The following AFAP1 variants were observed in gnomAD, a reference collection of about 807,000 sequenced individuals.
AFAP1 encodes the protein actin filament-associated protein 1.
In AFAP1, 75 loss-of-function variants were observed where a neutral mutation model predicts 93.9. The ratio of observed to expected loss-of-function variants is 0.80; its 90% CI spans 0.66 to 0.97. The LOEUF is 0.97. Ranked by LOEUF, AFAP1 falls within the 50% of genes least tolerant of loss-of-function variation. AFAP1 has a pLI of 0.00. For missense variants in AFAP1, 1,201 were observed against 1,050.8 expected (o/e 1.14, Z -1.98); for synonymous variants, 517 against 430.7 (o/e 1.20, Z -2.48).
At chr4:7,805,648 A>G (rs1434189713) in intron 9 of AFAP1, among the ~76,000 whole-genome samples, 5 of 152,228 alleles carry the variant, frequency 3.3e-5, no homozygotes, top group African/African-American at 1.2e-4. Flanking sequence ...CCTGACATCC[A>G]GAGGTGAAGC....
chr4:7,763,711 G>A lies in AFAP1; in HGVS notation c.*54C>T, dbSNP rs1039878396. 5.8e-6 allele frequency: 9 copies of A among 1,549,534 alleles called. No individual in the cohort carries two copies. Among genetic ancestry groups the A allele is most frequent in the Non-Finnish European group, 7.9e-6 (9 of 1,145,232 alleles). ...GAGCTTCCTGCCGTCACACAGATGAGGATACAGGCAAGGGGGTGTGCAGTC... is the reference window on the plus strand; with the variant it reads ...GAGCTTCCTGCCGTCACACAGATGAAGATACAGGCAAGGGGGTGTGCAGTC... On this transcript the variant is annotated 3_prime_UTR_variant, in exon 18 of 18. Transcript: ENST00000420658.
intron 3 of AFAP1, among the ~76,000 whole-genome samples, chr4:7,857,698 T>G (rs1715222811): frequency 6.6e-6 from 1 of 152,228 alleles, no homozygotes; most frequent in Non-Finnish European, 1.5e-5. Flanking sequence ...TCACTGAGTA[T>G]CTTTTATTCC....
intron 10 of AFAP1, among the ~76,000 whole-genome samples, chr4:7,797,457 A>T (rs192949277): frequency 7.2e-5 from 11 of 152,306 alleles, no homozygotes; most frequent in African/African-American, 2.6e-4. Flanking sequence ...CGCAGCATGA[A>T]ACATGCCGCC....
intron 12 of AFAP1, among the ~76,000 whole-genome samples, chr4:7,785,674 C>T (rs556532947): frequency 6.6e-6 from 1 of 152,206 alleles, no homozygotes; most frequent in Non-Finnish European, 1.5e-5. Context: ...CAGTGGCTCA[C>T]ATCTGTAATC....
chr4:7,786,169 A>G (rs777431951), intron 12 of AFAP1, 25 bp downstream of exon 12: 3 of 1,600,504 alleles, frequency 1.9e-6, no homozygotes, highest in Non-Finnish European at 2.6e-6. Flanking sequence ...AAAACCAACC[A>G]TTACTCCAAA....
At chr4:7,876,946 T>C (rs1717546360) in intron 1 of AFAP1, among the ~76,000 whole-genome samples, 1 of 152,212 alleles carries the variant, frequency 6.6e-6, no homozygotes, top group Non-Finnish European at 1.5e-5. Context: ...TTCCAAATAC[T>C]TAATACTCAT....
intron 16 of AFAP1, among the ~76,000 whole-genome samples, chr4:7,769,756 C>T (rs1032498640): frequency 1.3e-4 from 20 of 152,196 alleles, no homozygotes; most frequent in Non-Finnish European, 1.5e-5. Flanking sequence ...AAAAATATTG[C>T]TCAGGGTATA....
In AFAP1 at chr4:7,843,226, G is replaced by T. The variant is rs28669852; in HGVS notation, c.459C>A (p.Asp153Glu). The T allele has an allele frequency of 6.2e-7, 1 of 1,614,152 alleles. No homozygotes were observed. Among genetic ancestry groups the T allele is most frequent in the East Asian group, 2.2e-5 (1 of 44,888 alleles). Reference sequence around the variant, plus strand: ...GCAGCAGGAAGGCGCAGATTTTGGCGTCCTTGACCAGGTCCATGGAGGCCT... The same window carrying T: ...GCAGCAGGAAGGCGCAGATTTTGGCTTCCTTGACCAGGTCCATGGAGGCCT... ...SEEASMDLVK[D>E]AKICAFLLRK... Residue 153 changes from aspartate to glutamate, a missense_variant, in exon 5 of 18, where the codon GAC (aspartate) becomes GAA (glutamate). Coordinates refer to ENST00000420658, the MANE Select transcript of AFAP1 (RefSeq NM_001134647.2).
chr4:7,811,673 G>C (rs543731306), intron 8 of AFAP1, among the ~76,000 whole-genome samples: 2 of 152,150 alleles, frequency 1.3e-5, no homozygotes, highest in Non-Finnish European at 2.9e-5. Context: ...CACAGGCACA[G>C]AAGAAAGGCC....
intron 1 of AFAP1, among the ~76,000 whole-genome samples, chr4:7,873,653 A>G (rs1008187150): frequency 6.6e-6 from 1 of 151,936 alleles, no homozygotes; most frequent in South Asian, 2.1e-4. Context: ...CGACCAACAC[A>G]CACCTTTTTA....
chr4:7,908,982 A>G lies in AFAP1; in HGVS notation c.-3+30674T>C, dbSNP rs968099987. ...GGTCCAATTATAAAATCCTCTGGCT[A>G]CATTCAATTGAAATTCAAGGTATTC... On this transcript the variant is annotated intron_variant, in intron 1 of 17. Coordinates refer to ENST00000420658, the MANE Select transcript of AFAP1 (RefSeq NM_001134647.2). Among the ~76,000 whole-genome samples, 3 of 43,064 alleles carry G rather than the reference A, an allele frequency of 7.0e-5. No homozygotes were observed. The East Asian group carries it at 2.6e-3, about 38-fold the overall frequency. 28.3% of individuals were successfully genotyped at this position (43,064 alleles called of 152,430 possible). A position where few individuals can be genotyped will look rare whatever the true frequency, so the allele number is the denominator to read the frequency against.
intron 1 of AFAP1, among the ~76,000 whole-genome samples, chr4:7,920,631 C>T (rs754082827): frequency 2.6e-5 from 4 of 152,198 alleles, no homozygotes; most frequent in Non-Finnish European, 5.9e-5. Context: ...AAGACATTCA[C>T]AAGGTCAAAG....
At chr4:7,804,594 G>A (rs1199798365) in intron 9 of AFAP1, among the ~76,000 whole-genome samples, 6 of 152,146 alleles carry the variant, frequency 3.9e-5, no homozygotes, top group Admixed American at 1.3e-4. Flanking sequence ...GGGGCGTCGC[G>A]GGTCTCAGTG....
intron 4 of AFAP1, among the ~76,000 whole-genome samples, chr4:7,846,941 A>T (rs1199694963): frequency 1.3e-5 from 2 of 152,246 alleles, no homozygotes; most frequent in Non-Finnish European, 2.9e-5. Flanking sequence ...TTTAAACGGA[A>T]AAAGTAAACT....
chr4:7,902,247 G>T (rs1231546221), intron 1 of AFAP1, among the ~76,000 whole-genome samples: 8 of 152,134 alleles, frequency 5.3e-5, no homozygotes, highest in Admixed American at 5.2e-4. Flanking sequence ...GTGATGCGTG[G>T]AAGTAAAAAG....
chr4:7,842,983 C>A (rs1335833353), intron 5 of AFAP1, 156 bp downstream of exon 5: 5 of 770,680 alleles, frequency 6.5e-6, no homozygotes, highest in Non-Finnish European at 1.0e-5. Context: ...CATGTGGGGG[C>A]CCCTGGCATG....
intron 1 of AFAP1, among the ~76,000 whole-genome samples, chr4:7,879,515 AG>A (rs768145495): frequency 1.3e-5 from 2 of 152,158 alleles, no homozygotes; most frequent in Non-Finnish European, 2.9e-5. Context: ...GAATTCCAGA[AG>A]AAAAAATCTT....
intron 15 of AFAP1, 71 bp downstream of exon 15, chr4:7,774,668 G>C (rs1715904642): frequency 6.4e-7 from 1 of 1,556,690 alleles, no homozygotes; most frequent in Admixed American, 1.9e-5. Context: ...GGTCCTTTGG[G>C]CAAAGCAGAA....
chr4:7,935,780 C>T (rs182388732), intron 1 of AFAP1, among the ~76,000 whole-genome samples: 4 of 152,268 alleles, frequency 2.6e-5, no homozygotes, highest in Admixed American at 2.0e-4. Flanking sequence ...TTTGGGACCC[C>T]GGCCAGGGCT....
Sources: gnomAD v4.1 joint callset for allele counts (sites outside exome capture counted in the v4.1 genomes callset) on GRCh38, gnomAD v4.1.1 for gene constraint, MANE v1.5 for transcripts, NCBI Gene and HGNC (gene_info 2026-07-23, HGNC 2026-07-21) for gene names.